Variants in OTULINL observed in about 807,000 individuals in gnomAD.
OTULINL encodes OTU deubiquitinase with linear linkage specificity like.
OTULINL carries 42 observed loss-of-function variants against 43.9 expected under a neutral mutation model. The observed-to-expected ratio is 0.96, with a 90% CI of 0.75 to 1.24. OTULINL has a LOEUF of 1.24. Among genes scored for constraint, OTULINL ranks in the 50% most tolerant of loss-of-function variants. The probability of loss-of-function intolerance (pLI) is 0.00; values close to 1 mark genes in which losing one functional copy is unlikely to be tolerated. For missense variants in OTULINL, 411 were observed against 426.4 expected (o/e 0.96, Z 0.32); for synonymous variants, 172 against 153.6 (o/e 1.12, Z -0.88).
intron 1 of OTULINL, among the ~76,000 whole-genome samples, chr5:14,594,757 C>T (rs1759258227): frequency 6.6e-6 from 1 of 152,132 alleles, no homozygotes; most frequent in African/African-American, 2.4e-5. Context: ...AAGCCATATT[C>T]ACCTTTTCAA....
rs376257060 is a variant in OTULINL at position 14,601,187 on chromosome 5, T to C, written c.225-26T>C. On this transcript the variant is annotated intron_variant, in intron 2 of 7. Coordinates refer to ENST00000274217, the MANE Select transcript of OTULINL (RefSeq NM_019018.3). ...TTTACTATTCAAAGCAGAATTCTGA[T>C]ATTATTGTTCCCTTTTATCTTTCAG... The C allele has an allele frequency of 1.9e-6, 3 of 1,611,836 alleles. No homozygotes were observed. The African/African-American group carries it at 4.0e-5, about 22-fold the overall frequency.
chr5:14,603,574 G>T (rs1317498814), intron 5 of OTULINL, among the ~76,000 whole-genome samples: 1 of 152,192 alleles, frequency 6.6e-6, no homozygotes, highest in African/African-American at 2.4e-5. Context: ...TCCCCAATGA[G>T]TAATGATGTT....
chr5:14,608,715 C>T lies in OTULINL; in HGVS notation c.628-33C>T, dbSNP rs1759521197. On this transcript the variant is annotated intron_variant, in intron 6 of 7. Coordinates refer to ENST00000274217, the MANE Select transcript of OTULINL (RefSeq NM_019018.3). ...GAATGGTATATGTCTTCACCTTTAT[C>T]CTTCTGAATTTCACTTTTACATCTG... The T allele has an allele frequency of 2.6e-6, 4 of 1,544,966 alleles. 1 individual carries two copies. Among genetic ancestry groups the T allele is most frequent in the Non-Finnish European group, 8.8e-7 (1 of 1,134,216 alleles).
At position 14,615,067 on chromosome 5, in the gene OTULINL, CAG is replaced by C. The variant is rs759775081; in HGVS notation, c.*4755_*4756del. 135 of 250,962 alleles carry C rather than the reference CAG, an allele frequency of 5.4e-4. No individual in the cohort carries two copies. Among genetic ancestry groups the C allele is most frequent in the Middle Eastern group, 3.5e-3 (3 of 846 alleles). The allele number at this position is 250,962 out of a possible 1,614,324, so 15.5% of individuals were successfully genotyped here. A position where few individuals can be genotyped will look rare whatever the true frequency, so the allele number is the denominator to read the frequency against. ...TTTCCACACGAGTATAAATTTAAAA[CAG>C]AAACATCAAGGTGTCAGCAATCATG... On this transcript the variant is annotated 3_prime_UTR_variant, in exon 8 of 8. Transcript: ENST00000274217.
chr5:14,607,397 A>G lies in OTULINL; in HGVS notation c.566A>G (p.Lys189Arg). 6.2e-7 allele frequency: 1 copy of G among 1,614,196 alleles called. No individual in the cohort carries two copies. The highest frequency in any genetic ancestry group is 8.5e-7 in the Non-Finnish European group (1 of 1,180,022). The change falls in exon 6 of 8, where the codon AAG becomes AGG. Residue 189 changes from lysine to arginine, a missense_variant. Transcript: ENST00000274217. The part of the protein sequence containing the change: ...WIQQYSFGPE[K>R]YTGSNVFGKL... ...CAGCAGTACAGTTTTGGTCCTGAGA[A>G]GTATACAGGCTCGAATGTGTTTGGA...
chr5:14,582,819 A>G (rs1210633430), intron 1 of OTULINL, among the ~76,000 whole-genome samples: 6 of 144,302 alleles, frequency 4.2e-5, no homozygotes, highest in African/African-American at 1.7e-4. Context: ...CTGTCCAAAA[A>G]AAAAAAAAAA....
Position 14,581,925 on chromosome 5 carries a change from AG to A in OTULINL, c.34del (p.Glu12SerfsTer20). 1 of 1,401,142 alleles carries A rather than the reference AG, an allele frequency of 7.1e-7. No homozygotes were observed. Among genetic ancestry groups the A allele is most frequent in the Non-Finnish European group, 9.3e-7 (1 of 1,077,742 alleles). The allele number at this position is 1,401,142 out of a possible 1,614,324, so 86.8% of individuals were successfully genotyped here. A position where few individuals can be genotyped will look rare whatever the true frequency, so the allele number is the denominator to read the frequency against. The stretch of plus-strand genomic sequence containing the variant: ...GGCGACAAGGAGCCCCACGCGGGCA[AG>A]GGAGCGGGAGCGGTCTGGCGCTCCC... MAATRSPTRA[R>X]ERERSGAPAA... is the part of the protein sequence containing the mutation. On this transcript the variant is annotated frameshift_variant, in exon 1 of 8. Transcript: ENST00000274217. LOFTEE classifies it high-confidence loss of function.
chr5:14,603,513 T>G (rs2073685834), intron 5 of OTULINL, among the ~76,000 whole-genome samples: 1 of 152,240 alleles, frequency 6.6e-6, no homozygotes, highest in Admixed American at 6.5e-5. Context: ...GTTTTTGTTT[T>G]TAGCCATTCT....
chr5:14,582,006 C>T (rs1312343481), intron 1 of OTULINL, 48 bp downstream of exon 1: 9 of 1,199,494 alleles, frequency 7.5e-6, no homozygotes, highest in South Asian at 3.4e-5. Flanking sequence ...GAGCAGGGAC[C>T]GTCAAGGCGG....
At chr5:14,593,305 C>G (rs775682953) in intron 1 of OTULINL, among the ~76,000 whole-genome samples, 1 of 152,106 alleles carries the variant, frequency 6.6e-6, no homozygotes, top group Non-Finnish European at 1.5e-5. Context: ...AGATGGTAGC[C>G]AAATGGTTTA....
At chr5:14,600,228 C>G (rs1215440462) in intron 1 of OTULINL, among the ~76,000 whole-genome samples, 5 of 152,198 alleles carry the variant, frequency 3.3e-5, no homozygotes, top group Non-Finnish European at 4.4e-5. Flanking sequence ...TTGCTTGACA[C>G]TTCTCCTACC....
At position 14,614,747 on chromosome 5, in the gene OTULINL, C is replaced by T; in HGVS notation, c.*4433C>T. The T allele has an allele frequency of 2.5e-6, 1 of 398,600 alleles. No individual in the cohort carries two copies. The highest frequency in any genetic ancestry group is 4.4e-5 in the Admixed American group (1 of 22,726). 24.7% of individuals were successfully genotyped at this position (398,600 alleles called of 1,614,324 possible). A position where few individuals can be genotyped will look rare whatever the true frequency, so the allele number is the denominator to read the frequency against. On this transcript the variant is annotated 3_prime_UTR_variant, in exon 8 of 8. Coordinates refer to ENST00000274217, the MANE Select transcript of OTULINL (RefSeq NM_019018.3). ...TGTGGGAACAGTGTGGCCCAAGAGC[C>T]AGCATGGAGGAGGGCTGTGTGAGCA...
chr5:14,603,304 G>A (rs899334070), intron 5 of OTULINL, among the ~76,000 whole-genome samples: 1 of 152,216 alleles, frequency 6.6e-6, no homozygotes, highest in Admixed American at 6.5e-5. Flanking sequence ...ACAGGATGTT[G>A]TATGAACAAT....
chr5:14,597,956 G>A (rs1236330462), intron 1 of OTULINL, among the ~76,000 whole-genome samples: 1 of 152,158 alleles, frequency 6.6e-6, no homozygotes, highest in African/African-American at 2.4e-5. Context: ...AGATTTGAGG[G>A]TAAGGGCATG....
chr5:14,594,178 C>A (rs971020381), intron 1 of OTULINL, among the ~76,000 whole-genome samples: 1 of 152,134 alleles, frequency 6.6e-6, no homozygotes, highest in Non-Finnish European at 1.5e-5. Context: ...CAAGAACCAA[C>A]ACAATTTAAA....
Position 14,610,361 on chromosome 5 carries a change from A to C in OTULINL, c.*47A>C, listed in dbSNP as rs759420222. 2 of 1,580,926 alleles carry C rather than the reference A, an allele frequency of 1.3e-6. No homozygotes were observed. Among genetic ancestry groups the C allele is most frequent in the Non-Finnish European group, 1.7e-6 (2 of 1,158,528 alleles). On this transcript the variant is annotated 3_prime_UTR_variant, in exon 8 of 8. Coordinates refer to ENST00000274217, the MANE Select transcript of OTULINL (RefSeq NM_019018.3). ...AGTGCTCACCAGTGACGGTGGTCAC[A>C]GTTGCAATAAAGTCTCTCTCTGAAA... is the stretch of plus-strand genomic sequence containing the variant.
chr5:14,600,200 A>G (rs938736422), intron 1 of OTULINL, among the ~76,000 whole-genome samples: 1 of 152,108 alleles, frequency 6.6e-6, no homozygotes, highest in Non-Finnish European at 1.5e-5. Flanking sequence ...TGGGTTTTAT[A>G]AGGGGCTTTC....
At chr5:14,596,447 G>A (rs570216635) in intron 1 of OTULINL, among the ~76,000 whole-genome samples, 2 of 152,224 alleles carry the variant, frequency 1.3e-5, no homozygotes, top group East Asian at 1.9e-4. Context: ...CATCAGAACT[G>A]TCATTATGAC....
intron 1 of OTULINL, among the ~76,000 whole-genome samples, chr5:14,587,555 A>G (rs1759127751): frequency 6.6e-6 from 1 of 152,234 alleles, no homozygotes; most frequent in Non-Finnish European, 1.5e-5. Context: ...TAGCCAATGA[A>G]ATGATTAATA....
Sources: gnomAD v4.1 joint callset for allele counts (sites outside exome capture counted in the v4.1 genomes callset) on GRCh38, gnomAD v4.1.1 for gene constraint, MANE v1.5 for transcripts, NCBI Gene and HGNC (gene_info 2026-07-23, HGNC 2026-07-21) for gene names.